LIN52: variants seen among roughly 807,000 people sequenced by gnomAD.
LIN52 encodes lin-52 DREAM MuvB core complex component, also known as protein lin-52 homolog.
A neutral mutation model predicts 18.5 loss-of-function variants in LIN52; 4 were observed. The ratio of observed to expected loss-of-function variants is 0.22; its 90% CI spans 0.11 to 0.49. The LOEUF (loss-of-function observed/expected upper bound fraction) is 0.49. Ranked by LOEUF, LIN52 falls within the 20% of genes least tolerant of loss-of-function variation. The probability of loss-of-function intolerance (pLI) is 0.97; values close to 1 mark genes in which losing one functional copy is unlikely to be tolerated. For missense variants in LIN52, 102 were observed against 139.5 expected (o/e 0.73, Z 1.35); for synonymous variants, 34 against 45.5 (o/e 0.75, Z 1.02).
intron 1 of LIN52, among the ~76,000 whole-genome samples, chr14:74,089,619 C>T (rs887023858): frequency 2.6e-5 from 4 of 151,960 alleles, no homozygotes; most frequent in Non-Finnish European, 5.9e-5. Context: ...CCACCCACCT[C>T]GGCCTCCCAA....
At chr14:74,106,644 G>A (rs1266067148) in intron 5 of LIN52, among the ~76,000 whole-genome samples, 1 of 152,126 alleles carries the variant, frequency 6.6e-6, no homozygotes, top group African/African-American at 2.4e-5. Context: ...AGGCTGGAAT[G>A]CAGTGGTGCA....
intron 5 of LIN52, among the ~76,000 whole-genome samples, chr14:74,122,661 T>G (rs567848980): frequency 6.6e-6 from 1 of 151,840 alleles, no homozygotes; most frequent in Admixed American, 6.6e-5. Context: ...AGGTCAGGAG[T>G]TTGAGATCAG....
chr14:74,135,595 C>A (rs1201866775), intron 5 of LIN52, among the ~76,000 whole-genome samples: 1 of 152,086 alleles, frequency 6.6e-6, no homozygotes, highest in Non-Finnish European at 1.5e-5. Context: ...TGATGTGATA[C>A]AAAATTGTTT....
chr14:74,179,339 A>G (rs1036459460), intron 5 of LIN52, among the ~76,000 whole-genome samples: 1 of 152,182 alleles, frequency 6.6e-6, no homozygotes, highest in Non-Finnish European at 1.5e-5. Context: ...ATAGATAGCA[A>G]TAGAGGGCTA....
intron 5 of LIN52, among the ~76,000 whole-genome samples, chr14:74,159,910 T>C (rs1241804760): frequency 1.3e-5 from 2 of 152,178 alleles, no homozygotes; most frequent in Admixed American, 1.3e-4. Context: ...AAACCTACCA[T>C]ACAGCAAGCG....
chr14:74,173,176 GT>G (rs1566866784), intron 5 of LIN52, among the ~76,000 whole-genome samples: 1 of 151,986 alleles, frequency 6.6e-6, no homozygotes, highest in African/African-American at 2.4e-5. Context: ...ATTACTTAGT[GT>G]TTTTTTGTGT....
At chr14:74,125,134 A>G (rs1301114521) in intron 5 of LIN52, among the ~76,000 whole-genome samples, 1 of 152,210 alleles carries the variant, frequency 6.6e-6, no homozygotes, top group African/African-American at 2.4e-5. Context: ...ATACCCAGTA[A>G]TGGGATGGCT....
At chr14:74,099,234 A>T (rs887016) in intron 4 of LIN52, among the ~76,000 whole-genome samples, 19,643 of 152,204 alleles carry the variant, frequency 0.13, 1,945 homozygotes, top group East Asian at 0.58. Flanking sequence ...AAGAAAGTCT[A>T]CTTATGCTAG....
intron 5 of LIN52, among the ~76,000 whole-genome samples, chr14:74,194,494 G>A (rs1466004256): frequency 6.6e-5 from 10 of 152,216 alleles, no homozygotes; most frequent in African/African-American, 2.4e-4. Flanking sequence ...TAGCCCTGGA[G>A]GAACTACGAA....
intron 5 of LIN52, among the ~76,000 whole-genome samples, chr14:74,169,308 T>G (rs924129374): frequency 6.6e-6 from 1 of 152,192 alleles, no homozygotes; most frequent in South Asian, 2.1e-4. Context: ...AATATCAAAA[T>G]CCTTTTGTCT....
Position 74,097,239 on chromosome 14 carries a change from T to C in LIN52, c.133-555T>C, listed in dbSNP as rs537821551. Among the ~76,000 whole-genome samples, 7 of 152,236 alleles carry C rather than the reference T, an allele frequency of 4.6e-5. No homozygotes were observed. The East Asian group carries it at 1.3e-3, about 29-fold the overall frequency. ...TAACTTGTTAGGCATAAATCAGTAA[T>C]AGTGGTCATACCTATTCTTCCACAG... On this transcript the variant is annotated intron_variant, in intron 3 of 5. Coordinates refer to ENST00000555028, the MANE Select transcript of LIN52 (RefSeq NM_001024674.3).
rs75770994 is a variant in LIN52 at position 74,123,672 on chromosome 14, T to C, written c.283+22434T>C. ...CACCCTCTAAGACGGTCCCCAGTGA[T>C]CCCTGCTACTAGTGTGCCCTTGTTT... On this transcript the variant is annotated intron_variant, in intron 5 of 5. Transcript: ENST00000555028. 3.6e-3 allele frequency among the ~76,000 whole-genome samples: 549 copies of C among 152,272 alleles called. 4 individuals carry two copies. The highest frequency in any genetic ancestry group is 0.012 in the African/African-American group (517 of 41,560).
intron 5 of LIN52, among the ~76,000 whole-genome samples, chr14:74,132,832 A>C (rs2061076075): frequency 6.6e-6 from 1 of 152,142 alleles, no homozygotes; most frequent in East Asian, 1.9e-4. Context: ...TATGGTAGTG[A>C]TAGTCTGTGT....
chr14:74,185,717 A>G (rs1008691302), intron 5 of LIN52, among the ~76,000 whole-genome samples: 7 of 152,072 alleles, frequency 4.6e-5, no homozygotes, highest in Non-Finnish European at 1.0e-4. Flanking sequence ...ACTACATATA[A>G]CAACAAGACC....
intron 5 of LIN52, among the ~76,000 whole-genome samples, chr14:74,120,652 G>A (rs1211826734): frequency 6.6e-6 from 1 of 152,096 alleles, no homozygotes; most frequent in Non-Finnish European, 1.5e-5. Context: ...CTACTCGGGA[G>A]GTTGAGGCAG....
intron 5 of LIN52, among the ~76,000 whole-genome samples, chr14:74,103,195 C>G (rs1261559934): frequency 6.6e-6 from 1 of 152,132 alleles, no homozygotes; most frequent in Non-Finnish European, 1.5e-5. Flanking sequence ...TTTCCTCCCT[C>G]AGCCTCCTAA....
intron 5 of LIN52, among the ~76,000 whole-genome samples, chr14:74,164,341 G>T (rs2061239663): frequency 6.7e-6 from 1 of 149,316 alleles, no homozygotes; most frequent in African/African-American, 2.5e-5. Flanking sequence ...CTGGAGTGGA[G>T]TGACACGATC....
At chr14:74,125,038 C>A (rs2061020879) in intron 5 of LIN52, among the ~76,000 whole-genome samples, 1 of 152,044 alleles carries the variant, frequency 6.6e-6, no homozygotes, top group Admixed American at 6.6e-5. Flanking sequence ...GGGCCAGTAT[C>A]CAGAATAAAT....
At chr14:74,122,740 C>T (rs1457202029) in intron 5 of LIN52, among the ~76,000 whole-genome samples, 1 of 152,164 alleles carries the variant, frequency 6.6e-6, no homozygotes, top group East Asian at 1.9e-4. Flanking sequence ...GTGGCAGGCA[C>T]CTGTAATCCC....
Sources: gnomAD v4.1 joint callset for allele counts (sites outside exome capture counted in the v4.1 genomes callset) on GRCh38, gnomAD v4.1.1 for gene constraint, MANE v1.5 for transcripts, NCBI Gene and HGNC (gene_info 2026-07-23, HGNC 2026-07-21) for gene names.